IFT46: variants seen among roughly 807,000 people sequenced by gnomAD.
The protein encoded by IFT46 is intraflagellar transport 46, also known as intraflagellar transport protein 46 homolog.
IFT46 carries 19 observed loss-of-function variants against 39.6 expected under a neutral mutation model. The observed-to-expected ratio is 0.48, with a 90% CI of 0.33 to 0.70. The LOEUF (loss-of-function observed/expected upper bound fraction) is 0.70, where lower values mean the gene tolerates loss of function less well. Among genes scored for constraint, IFT46 ranks in the 30% least tolerant of loss-of-function variants. The pLI is 0.01. For missense variants in IFT46, 334 were observed against 364.8 expected (o/e 0.92, Z 0.69); for synonymous variants, 117 against 134.8 (o/e 0.87, Z 0.91).
chr11:118,568,111 T>C (rs1208198755), upstream of IFT46, among the ~76,000 whole-genome samples: 2 of 152,222 alleles, frequency 1.3e-5, no homozygotes, highest in Non-Finnish European at 2.9e-5. Flanking sequence ...CAGCATCAAC[T>C]GGTCTTTGCT....
chr11:118,549,725 A>G (rs1951772470), intron 9 of IFT46, among the ~76,000 whole-genome samples: 1 of 151,474 alleles, frequency 6.6e-6, no homozygotes, highest in Non-Finnish European at 1.5e-5. Context: ...GGGTTTCACC[A>G]TGTTGGCTAG....
upstream of IFT46, among the ~76,000 whole-genome samples, chr11:118,576,426 T>TAAAAAAAAAAAA (rs10671866): frequency 1.8e-5 from 2 of 108,758 alleles, no homozygotes; most frequent in Non-Finnish European, 3.5e-5. Context: ...CCAAAAATGT[T>TAAAAAAAAAAAA]AAAAAAAAAA....
At chr11:118,546,815 A>G (rs1241450029) in intron 9 of IFT46, 1 of 152,252 alleles carries the variant, frequency 6.6e-6, no homozygotes, top group African/African-American at 2.4e-5. Flanking sequence ...ATAATGCCTA[A>G]TGATTCCAGG....
chr11:118,560,950 G>A, intron 2 of IFT46: 1 of 1,278,684 alleles, frequency 7.8e-7, no homozygotes, highest in Admixed American at 1.7e-5. Flanking sequence ...AATGTGGTGT[G>A]AAGGTTGGCC....
At chr11:118,573,071 A>G (rs1187607171), upstream of IFT46, 1 of 159,926 alleles carries the variant, frequency 6.3e-6, no homozygotes. Flanking sequence ...GAAGGGGGAA[A>G]TGGAGACACA....
chr11:118,550,434 A>G (rs1555068122), intron 9 of IFT46, among the ~76,000 whole-genome samples: 1 of 152,070 alleles, frequency 6.6e-6, no homozygotes, highest in Non-Finnish European at 1.5e-5. Context: ...ATATTTTATT[A>G]TATTACTTAC....
chr11:118,549,536 T>C (rs994515738), intron 9 of IFT46, among the ~76,000 whole-genome samples: 7 of 151,134 alleles, frequency 4.6e-5, no homozygotes, highest in Admixed American at 2.0e-4. Flanking sequence ...CTTTTTTTTT[T>C]TTTTTTTGAG....
At chr11:118,575,411 G>GGTGTGTGTGTGTGTGT (rs56934953), upstream of IFT46, among the ~76,000 whole-genome samples, 863 of 149,176 alleles carry the variant, frequency 5.8e-3, 4 homozygotes, top group African/African-American at 0.02. Flanking sequence ...ACTGATAACG[G>GGTGTGTGTGTGTGTGT]GTGTGTGTGT....
At chr11:118,548,784 C>G (rs1555067792) in intron 9 of IFT46, among the ~76,000 whole-genome samples, 19 of 150,278 alleles carry the variant, frequency 1.3e-4, no homozygotes, top group African/African-American at 4.4e-4. Context: ...AGCCACTGCA[C>G]CTGGCCTTTT....
intron 2 of IFT46, chr11:118,560,488 GAA>G (rs1938014827): frequency 5.8e-6 from 1 of 172,120 alleles, no homozygotes; most frequent in Non-Finnish European, 1.2e-5. Flanking sequence ...GAAAAGAAAA[GAA>G]AGAGAAAAAT....
At chr11:118,551,931 T>C in intron 8 of IFT46, 79 bp from the exon 9 acceptor site, 2 of 1,382,116 alleles carry the variant, frequency 1.4e-6, no homozygotes, top group Non-Finnish European at 2.1e-6. Context: ...TATTCTAGGA[T>C]GAAGGAGAGG....
At chr11:118,563,090 A>G (rs1191431273) in intron 2 of IFT46, among the ~76,000 whole-genome samples, 1 of 152,110 alleles carries the variant, frequency 6.6e-6, no homozygotes, top group Non-Finnish European at 1.5e-5. Context: ...TGCAATATAC[A>G]TGCAATGGAA....
At chr11:118,552,956 A>G (rs1194262241) in intron 7 of IFT46, among the ~76,000 whole-genome samples, 1 of 151,426 alleles carries the variant, frequency 6.6e-6, no homozygotes, top group Non-Finnish European at 1.5e-5. Context: ...ATGATGGCAC[A>G]CACCTGTGGT....
intron 9 of IFT46, among the ~76,000 whole-genome samples, chr11:118,549,071 AT>A (rs1235627809): frequency 6.6e-6 from 1 of 150,762 alleles, no homozygotes; most frequent in East Asian, 2.0e-4. Flanking sequence ...TATTTTTTTA[AT>A]TTTTTTAGTA....
chr11:118,546,281 T>A, intron 9 of IFT46: 1 of 656,954 alleles, frequency 1.5e-6, no homozygotes, highest in Non-Finnish European at 2.8e-6. Context: ...GCAGATCGCC[T>A]GAGCCTAGGA....
upstream of IFT46, chr11:118,573,479 G>C: frequency 4.1e-6 from 2 of 488,346 alleles, no homozygotes; most frequent in Non-Finnish European, 7.3e-6. Context: ...TTCCTTTATC[G>C]CTGTGATTTG....
chr11:118,545,275 T>G, intron 11 of IFT46, 134 bp downstream of exon 11: 1 of 783,286 alleles, frequency 1.3e-6, no homozygotes, highest in Non-Finnish European at 2.1e-6. Context: ...GCTCTCCTAA[T>G]TATGGGAAAG....
At chr11:118,548,005 C>T (rs1400192368) in intron 9 of IFT46, among the ~76,000 whole-genome samples, 1 of 150,214 alleles carries the variant, frequency 6.7e-6, no homozygotes, top group Non-Finnish European at 1.5e-5. Flanking sequence ...CTCGGCCTCC[C>T]AAAGTGCTGG....
chr11:118,572,878 G>A lies in IFT46; in HGVS notation c.-415C>T, dbSNP rs1591377282. The A allele has an allele frequency of 3.5e-5, 13 of 369,400 alleles. No individual in the cohort carries two copies. The East Asian group carries it at 4.9e-4, about 14-fold the overall frequency. 22.9% of individuals were successfully genotyped at this position (369,400 alleles called of 1,614,324 possible). A position where few individuals can be genotyped will look rare whatever the true frequency, so the allele number is the denominator to read the frequency against. On this transcript the variant is annotated 5_prime_UTR_variant, in exon 1 of 6. Transcript: ENST00000528378. Reference sequence around the variant, plus strand: ...GGTGGTGGTGCGGGTCCCAGGCTGCGGACCTCGGAACTGATGCTGTCCCGC... The same window carrying A: ...GGTGGTGGTGCGGGTCCCAGGCTGCAGACCTCGGAACTGATGCTGTCCCGC...
Sources: allele counts gnomAD v4.1 joint callset (sites outside exome capture counted in the v4.1 genomes callset), GRCh38; gene constraint gnomAD v4.1.1; transcripts MANE v1.5; gene names NCBI Gene and HGNC (gene_info 2026-07-23, HGNC 2026-07-21).